The following SLC25A30 variants were observed in gnomAD, a reference collection of about 807,000 sequenced individuals.
The protein encoded by SLC25A30 is kidney mitochondrial carrier protein 1.
Under a neutral mutation model 42.7 loss-of-function variants are expected in SLC25A30, and 29 were observed. The observed-to-expected ratio is 0.68, with a 90% CI of 0.51 to 0.93. The LOEUF (loss-of-function observed/expected upper bound fraction) is 0.93. Ranked by LOEUF, SLC25A30 falls within the 40% of genes least tolerant of loss-of-function variation. The pLI is 0.00. For missense variants in SLC25A30, 300 were observed against 359.7 expected (o/e 0.83, Z 1.34); for synonymous variants, 124 against 131.0 (o/e 0.95, Z 0.37).
At chr13:45,407,235 TAAAAATACAA>T (rs1882598430) in intron 3 of SLC25A30, among the ~76,000 whole-genome samples, 1 of 152,120 alleles carries the variant, frequency 6.6e-6, no homozygotes, top group African/African-American at 2.4e-5. Context: ...CCGTCTCTAC[TAAAAATACAA>T]AAAACTGGCC....
chr13:45,404,439 T>G, intron 4 of SLC25A30, 27 bp from the exon 5 acceptor site: 1 of 1,513,838 alleles, frequency 6.6e-7, no homozygotes, highest in Non-Finnish European at 9.2e-7. Context: ...ATTATTTGAC[T>G]CTACATATTT....
At chr13:45,424,911 T>G in the SLC25A30 span, among the ~76,000 whole-genome samples, 3 of 63,866 alleles carry the variant, frequency 4.7e-5, no homozygotes, top group Non-Finnish European at 7.8e-5. Flanking sequence ...TATAAATATA[T>G]ATAAATATAT....
Position 45,393,629 on chromosome 13 carries a change from T to G in SLC25A30, c.*2345A>C, listed in dbSNP as rs1411502375. Reference sequence around the variant, plus strand: ...AGAAAACCCAAAGGTGGGGAGGTACTTATAGCCAGAACCCTGACAACGAGG... The same window carrying G: ...AGAAAACCCAAAGGTGGGGAGGTACGTATAGCCAGAACCCTGACAACGAGG... On this transcript the variant is annotated 3_prime_UTR_variant, in exon 10 of 10. Transcript: ENST00000519676. 1.0e-6 allele frequency: 1 copy of G among 985,332 alleles called. No individual in the cohort carries two copies. Among genetic ancestry groups the G allele is most frequent in the African/African-American group, 1.7e-5 (1 of 57,248 alleles). The allele number at this position is 985,332 out of a possible 1,614,324, so 61.0% of individuals were successfully genotyped here.
At chr13:45,396,171 A>T in intron 9 of SLC25A30, 156 bp from the exon 10 acceptor site, 1 of 1,512,182 alleles carries the variant, frequency 6.6e-7, no homozygotes, top group Non-Finnish European at 8.8e-7. Flanking sequence ...CCTTAACCAC[A>T]TCAAACTATC....
the SLC25A30 span, among the ~76,000 whole-genome samples, chr13:45,426,076 A>C: frequency 2.9e-4 from 43 of 148,672 alleles, no homozygotes; most frequent in East Asian, 7.4e-3. Context: ...ATATACATTT[A>C]AATATATTTT....
chr13:45,405,834 A>G lies in SLC25A30; in HGVS notation c.307+49T>C, dbSNP rs1480763150. 3.2e-6 allele frequency: 5 copies of G among 1,563,262 alleles called. No homozygotes were observed. The South Asian group carries it at 3.4e-5, about 11-fold the overall frequency. On this transcript the variant is annotated intron_variant, in intron 4 of 9. Transcript: ENST00000519676. Reference sequence around the variant, plus strand: ...GCTCCAAAACCACTTGAATAAAAAGACAGACAACCAACCTCCTGTCCACAG... The same window carrying G: ...GCTCCAAAACCACTTGAATAAAAAGGCAGACAACCAACCTCCTGTCCACAG...
chr13:45,425,081 A>AATATATGT, the SLC25A30 span, among the ~76,000 whole-genome samples: 2 of 30,472 alleles, frequency 6.6e-5, no homozygotes, highest in Non-Finnish European at 1.2e-4. Context: ...CATATATATA[A>AATATATGT]ATATATAAAT....
At position 45,405,879 on chromosome 13, in the gene SLC25A30, T is replaced by C. The variant is rs775317342; in HGVS notation, c.307+4A>G. 1.5e-5 allele frequency: 24 copies of C among 1,613,746 alleles called. No homozygotes were observed. The highest frequency in any genetic ancestry group is 2.0e-5 in the Non-Finnish European group (24 of 1,179,800). On this transcript the variant is annotated splice_donor_region_variant and intron_variant, in intron 4 of 9. Coordinates refer to ENST00000519676, the MANE Select transcript of SLC25A30 (RefSeq NM_001010875.4). ...CCACAGTGGAAAACAGATTCCCCAC[T>C]CACCTTCTGGGCGTTCAATGAATAG... is the stretch of plus-strand genomic sequence containing the variant.
At position 45,411,461 on chromosome 13, in the gene SLC25A30, T is replaced by G; in HGVS notation, c.-36A>C. On this transcript the variant is annotated 5_prime_UTR_variant, in exon 2 of 10. Coordinates refer to ENST00000519676, the MANE Select transcript of SLC25A30 (RefSeq NM_001010875.4). Reference sequence around the variant, plus strand: ...TCTCTTCTTTGATTTATAGAAACATTGCCTCCAGTGCTGTTTTTCCTGGAC... The same window carrying G: ...TCTCTTCTTTGATTTATAGAAACATGGCCTCCAGTGCTGTTTTTCCTGGAC... 2.5e-6 allele frequency: 4 copies of G among 1,608,494 alleles called. No individual in the cohort carries two copies. The highest frequency in any genetic ancestry group is 3.4e-6 in the Non-Finnish European group (4 of 1,175,228).
Position 45,402,390 on chromosome 13 carries a change from C to T in SLC25A30, c.394-20G>A. ...CCGAATCTAGAGATTATTTTAAAGA[C>T]CAACATCAGAAAGAAACTACCACAA... On this transcript the variant is annotated intron_variant, in intron 5 of 9. Transcript: ENST00000519676. The T allele has an allele frequency of 6.3e-7, 1 of 1,598,378 alleles. No individual in the cohort carries two copies. The highest frequency in any genetic ancestry group is 8.6e-7 in the Non-Finnish European group (1 of 1,166,040).
At position 45,398,974 on chromosome 13, in the gene SLC25A30, G is replaced by C. The variant is rs1415078716; in HGVS notation, c.719C>G (p.Ser240Cys). 1 of 1,613,928 alleles carries C rather than the reference G, an allele frequency of 6.2e-7. No individual in the cohort carries two copies. The highest frequency in any genetic ancestry group is 8.5e-7 in the Non-Finnish European group (1 of 1,180,026). The part of the protein sequence containing the change: ...NQRVLRDGRC[S>C]GYTGTLDCLL... ...GCAATCCAGGGTTCCTGTGTAGCCA[G>C]AACATCTGCCATCTCGAAGCACTCT... The change falls in exon 8 of 10, where the codon TCT becomes TGT. Residue 240 changes from serine (S) to cysteine (C), a missense_variant. Ser to Cys is a moderately radical substitution (Grantham distance 112). Coordinates refer to ENST00000519676, the MANE Select transcript of SLC25A30 (RefSeq NM_001010875.4).
intron 8 of SLC25A30, chr13:45,398,168 G>T: frequency 2.5e-6 from 1 of 398,424 alleles, no homozygotes; most frequent in Non-Finnish European, 3.4e-6. Flanking sequence ...AACATGGATG[G>T]AGCTGGAGGC....
At chr13:45,413,530 T>A (rs1402955321) in intron 1 of SLC25A30, among the ~76,000 whole-genome samples, 1 of 151,104 alleles carries the variant, frequency 6.6e-6, no homozygotes, top group Non-Finnish European at 1.5e-5. Flanking sequence ...AAGACCAGCC[T>A]AGCCAACAGA....
upstream of SLC25A30, among the ~76,000 whole-genome samples, chr13:45,421,029 A>G (rs1219133945): frequency 6.6e-6 from 1 of 151,962 alleles, no homozygotes; most frequent in Non-Finnish European, 1.5e-5. Flanking sequence ...ATTGGAAACT[A>G]TTTCTCTAGG....
In SLC25A30 at chr13:45,394,633, G is replaced by A; in HGVS notation, c.*1341C>T. 1.0e-6 allele frequency: 1 copy of A among 985,298 alleles called. No individual in the cohort carries two copies. The highest frequency in any genetic ancestry group is 1.2e-6 in the Non-Finnish European group (1 of 829,914). 61.0% of individuals were successfully genotyped at this position (985,298 alleles called of 1,614,324 possible). A position where few individuals can be genotyped will look rare whatever the true frequency, so the allele number is the denominator to read the frequency against. ...TTTATTTTGAAAAGACTAAGATGAAGACAAGAAGGAAGAGGGCTCTTTCTC... is the reference window on the plus strand; with the variant it reads ...TTTATTTTGAAAAGACTAAGATGAAAACAAGAAGGAAGAGGGCTCTTTCTC... On this transcript the variant is annotated 3_prime_UTR_variant, in exon 10 of 10. Coordinates refer to ENST00000519676, the MANE Select transcript of SLC25A30 (RefSeq NM_001010875.4).
the SLC25A30 span, among the ~76,000 whole-genome samples, chr13:45,429,591 G>A: frequency 2.0e-5 from 3 of 152,190 alleles, no homozygotes; most frequent in Non-Finnish European, 2.9e-5. Context: ...GCACTTGGGA[G>A]GCTGAGGCAG....
Position 45,395,811 on chromosome 13 carries a change from C to T in SLC25A30, c.*163G>A. 6.6e-7 allele frequency: 1 copy of T among 1,509,312 alleles called. No individual in the cohort carries two copies. The highest frequency in any genetic ancestry group is 2.1e-5 in the Admixed American group (1 of 48,598). 93.5% of individuals were successfully genotyped at this position (1,509,312 alleles called of 1,614,324 possible). A position where few individuals can be genotyped will look rare whatever the true frequency, so the allele number is the denominator to read the frequency against. On this transcript the variant is annotated 3_prime_UTR_variant, in exon 10 of 10. Transcript: ENST00000519676. ...CATTAAACGTTTGATGAAGAGCATC[C>T]AATGCCAACACACAGCAATCTCAAC...
intron 1 of SLC25A30, among the ~76,000 whole-genome samples, chr13:45,413,555 CT>C (rs71070984): frequency 2.9e-3 from 400 of 140,260 alleles, no homozygotes; most frequent in South Asian, 3.9e-3. Context: ...GACTCCATCT[CT>C]TTTTTTTTTT....
chr13:45,423,948 AAT>A, the SLC25A30 span, among the ~76,000 whole-genome samples: 73 of 48,672 alleles, frequency 1.5e-3, 1 homozygote, highest in South Asian at 0.023. Flanking sequence ...TATATAAAAA[AAT>A]ATATGAATAT....
Sources: allele counts gnomAD v4.1 joint callset (sites outside exome capture counted in the v4.1 genomes callset), GRCh38; gene constraint gnomAD v4.1.1; transcripts MANE v1.5; gene names NCBI Gene and HGNC (gene_info 2026-07-23, HGNC 2026-07-21).